Variants in MAGI1 observed in about 807,000 individuals in gnomAD.
The protein encoded by MAGI1 is membrane-associated guanylate kinase, WW and PDZ domain-containing protein 1.
MAGI1 carries 58 observed loss-of-function variants against 139.9 expected under a neutral mutation model. That is an observed-to-expected ratio of 0.41 (90% CI 0.34 to 0.52). MAGI1 has a LOEUF of 0.52. MAGI1 is among the 20% of genes least tolerant of loss of function. The pLI, the probability that MAGI1 is intolerant of heterozygous loss-of-function variation, is 0.12. For synonymous variants in MAGI1, 812 were observed against 737.9 expected (o/e 1.10, Z -1.63); for missense variants, 1,874 against 1,901.6 (o/e 0.99, Z 0.27).
chr3:65,427,567 A>G (rs1947145506), intron 12 of MAGI1, among the ~76,000 whole-genome samples: 1 of 152,210 alleles, frequency 6.6e-6, no homozygotes, highest in South Asian at 2.1e-4. Flanking sequence ...GCTGAATCAG[A>G]GGTGCACCTG....
intron 1 of MAGI1, among the ~76,000 whole-genome samples, chr3:65,999,787 G>C (rs532426364): frequency 4.9e-4 from 75 of 152,010 alleles, no homozygotes; most frequent in African/African-American, 1.7e-3. Flanking sequence ...AGTTCGAGAA[G>C]TCTGTGTTCC....
intron 1 of MAGI1, among the ~76,000 whole-genome samples, chr3:65,872,266 A>C (rs2059964385): frequency 6.6e-6 from 1 of 152,216 alleles, no homozygotes; most frequent in Non-Finnish European, 1.5e-5. Flanking sequence ...AGTTGACTTA[A>C]GTTTTCTAAC....
At chr3:65,667,902 C>T (rs528012848) in intron 1 of MAGI1, among the ~76,000 whole-genome samples, 27 of 152,250 alleles carry the variant, frequency 1.8e-4, no homozygotes, top group African/African-American at 5.8e-4. Flanking sequence ...CCACCTGCAG[C>T]TGGACATGTG....
At chr3:65,617,415 C>T (rs566317549) in intron 2 of MAGI1, among the ~76,000 whole-genome samples, 18 of 152,280 alleles carry the variant, frequency 1.2e-4, no homozygotes, top group African/African-American at 4.3e-4. Flanking sequence ...CAAGCCCTGT[C>T]AGGTAATGCA....
rs996853296 is a variant in MAGI1 at position 65,608,907 on chromosome 3, A to G, written c.430+13065T>C. Reference sequence around the variant, plus strand: ...TCATACAATCAAAGACTACACAGCAATTAAAAAAATCAAACTACTGCTACA... The same window carrying G: ...TCATACAATCAAAGACTACACAGCAGTTAAAAAAATCAAACTACTGCTACA... On this transcript the variant is annotated intron_variant, in intron 2 of 22. Transcript: ENST00000402939. Among the ~76,000 whole-genome samples the G allele has an allele frequency of 4.3e-4, 66 of 152,352 alleles. 1 individual carries two copies. Among genetic ancestry groups the G allele is most frequent in the African/African-American group, 1.5e-3 (62 of 41,580 alleles).
chr3:65,733,753 C>G (rs2034430537), intron 1 of MAGI1, among the ~76,000 whole-genome samples: 1 of 152,208 alleles, frequency 6.6e-6, no homozygotes, highest in African/African-American at 2.4e-5. Flanking sequence ...AAATAAATCA[C>G]TGCAACCATC....
chr3:65,521,957 A>C (rs974812684), intron 2 of MAGI1, among the ~76,000 whole-genome samples: 3 of 152,142 alleles, frequency 2.0e-5, no homozygotes, highest in Non-Finnish European at 4.4e-5. Flanking sequence ...ATAGCTACAT[A>C]AGCTTAAGGT....
At chr3:66,008,562 G>A (rs1209613961) in intron 1 of MAGI1, among the ~76,000 whole-genome samples, 2 of 152,210 alleles carry the variant, frequency 1.3e-5, no homozygotes, top group Non-Finnish European at 2.9e-5. Context: ...ATACAACTGA[G>A]TGGCAAGTGC....
chr3:66,020,996 A>G (rs761023001), intron 1 of MAGI1, among the ~76,000 whole-genome samples: 1 of 152,204 alleles, frequency 6.6e-6, no homozygotes, highest in African/African-American at 2.4e-5. Context: ...ATCTACCCCA[A>G]GCTTTCAAAG....
At chr3:66,014,904 A>G (rs567768174) in intron 1 of MAGI1, among the ~76,000 whole-genome samples, 3 of 152,154 alleles carry the variant, frequency 2.0e-5, no homozygotes, top group Non-Finnish European at 4.4e-5. Context: ...CCCCATCTCT[A>G]TAAATATCCT....
At position 65,493,594 on chromosome 3, in the gene MAGI1, G is replaced by T. The variant is rs778906272; in HGVS notation, c.468C>A (p.Gly156=). ...TRSPREGEVP[G]VDYNFLTVKE... ...TCACAGTCAGAAAGTTATAGTCCAC[G>T]CCAGGCACTTCTCCTTCTCTGGGAG... is the stretch of plus-strand genomic sequence containing the variant. The change falls in exon 3 of 23, where the codon GGC becomes GGA. Residue 156 remains glycine, a synonymous_variant. Transcript: ENST00000402939. 5 of 1,613,974 alleles carry T rather than the reference G, an allele frequency of 3.1e-6. No individual in the cohort carries two copies. In the South Asian group the frequency reaches 3.3e-5, roughly 11 times the overall value.
chr3:65,693,219 A>G (rs1172590135), intron 1 of MAGI1, among the ~76,000 whole-genome samples: 1 of 152,144 alleles, frequency 6.6e-6, no homozygotes, highest in Non-Finnish European at 1.5e-5. Flanking sequence ...TGCTGGGATT[A>G]TGGGTGTGAA....
At chr3:65,431,039 A>G (rs904048522) in intron 10 of MAGI1, among the ~76,000 whole-genome samples, 158 bp from the exon 11 acceptor site, 15 of 152,186 alleles carry the variant, frequency 9.9e-5, no homozygotes, top group African/African-American at 3.6e-4. Flanking sequence ...TTGAGGAATA[A>G]GGATGTTCCT....
In MAGI1 at chr3:65,609,694, C is replaced by T. The variant is rs866899698; in HGVS notation, c.430+12278G>A. ...CGACCTCCTAGACTCAGGTGATCCTCCCACCTCAGCCTATTGAATTGCTAG... is the reference window on the plus strand; with the variant it reads ...CGACCTCCTAGACTCAGGTGATCCTTCCACCTCAGCCTATTGAATTGCTAG... On this transcript the variant is annotated intron_variant, in intron 2 of 22. Transcript: ENST00000402939. 3.1e-4 allele frequency: 61 copies of T among 199,672 alleles called. 1 individual carries two copies. The South Asian group carries it at 3.7e-3, about 12-fold the overall frequency. The allele number at this position is 199,672 out of a possible 1,614,324, so 12.4% of individuals were successfully genotyped here.
intron 2 of MAGI1, among the ~76,000 whole-genome samples, chr3:65,536,144 G>C (rs1359989406): frequency 1.3e-5 from 2 of 152,170 alleles, no homozygotes; most frequent in Non-Finnish European, 2.9e-5. Context: ...ACACACTGTT[G>C]ATTTGGTGTC....
chr3:65,725,205 A>G (rs753624277), intron 1 of MAGI1, among the ~76,000 whole-genome samples: 1 of 152,144 alleles, frequency 6.6e-6, no homozygotes, highest in East Asian at 1.9e-4. Context: ...GGACAGTACA[A>G]TGGTTAAGTG....
At chr3:65,530,188 C>T (rs2078577462) in intron 2 of MAGI1, among the ~76,000 whole-genome samples, 1 of 152,106 alleles carries the variant, frequency 6.6e-6, no homozygotes, top group Admixed American at 6.5e-5. Context: ...AAGGTGATCC[C>T]TAGTGTTCAG....
chr3:65,840,437 C>T (rs930688861), intron 1 of MAGI1, among the ~76,000 whole-genome samples: 3 of 152,108 alleles, frequency 2.0e-5, no homozygotes, highest in African/African-American at 7.2e-5. Flanking sequence ...AAGTTTCCTT[C>T]TATTCATACT....
At chr3:65,372,246 G>C (rs1173277372) in intron 18 of MAGI1, among the ~76,000 whole-genome samples, 1 of 152,204 alleles carries the variant, frequency 6.6e-6, no homozygotes, top group Non-Finnish European at 1.5e-5. Context: ...GCAGGCATGA[G>C]AACAACATTC....
Sources: gnomAD v4.1 joint callset for allele counts (sites outside exome capture counted in the v4.1 genomes callset) on GRCh38, gnomAD v4.1.1 for gene constraint, MANE v1.5 for transcripts, NCBI Gene and HGNC (gene_info 2026-07-23, HGNC 2026-07-21) for gene names.